Variants in GRIK2 observed in about 807,000 individuals in gnomAD.
The protein encoded by GRIK2 is glutamate receptor ionotropic, kainate 2.
A neutral mutation model predicts 100.3 loss-of-function variants in GRIK2; 32 were observed. The observed-to-expected ratio is 0.32, with a 90% CI of 0.24 to 0.43. The LOEUF is 0.43. Among genes scored for constraint, GRIK2 ranks in the 20% least tolerant of loss-of-function variants. The pLI is 1.00. For missense variants in GRIK2, 843 were observed against 1,114.9 expected, an observed-to-expected ratio of 0.76 and a Z score of 3.47; for synonymous variants, 417 against 389.4, an observed-to-expected ratio of 1.07 and a Z score of -0.83.
chr6:101,885,027 T>G (rs1299529179), intron 11 of GRIK2, among the ~76,000 whole-genome samples: 1 of 152,148 alleles, frequency 6.6e-6, no homozygotes, highest in African/African-American at 2.4e-5. Flanking sequence ...TAGAGTTACA[T>G]GCTTTGATCG....
intron 14 of GRIK2, among the ~76,000 whole-genome samples, chr6:102,031,884 G>A (rs1770019378): frequency 1.3e-5 from 2 of 150,826 alleles, no homozygotes; most frequent in South Asian, 2.1e-4. Flanking sequence ...GAAAGCAGAA[G>A]TTGCACTGGG....
intron 7 of GRIK2, among the ~76,000 whole-genome samples, chr6:101,733,774 T>G (rs1775450753): frequency 6.7e-6 from 1 of 150,076 alleles, no homozygotes; most frequent in Non-Finnish European, 1.5e-5. Context: ...AATTAGCTGC[T>G]TCTTCAATAC....
intron 14 of GRIK2, among the ~76,000 whole-genome samples, chr6:102,030,504 C>T (rs377458932): frequency 6.6e-6 from 1 of 150,998 alleles, no homozygotes; most frequent in Non-Finnish European, 1.5e-5. Context: ...GAGCTTCACT[C>T]CCCTCAATTA....
intron 2 of GRIK2, among the ~76,000 whole-genome samples, chr6:101,498,068 C>T (rs1483064424): frequency 7.1e-6 from 1 of 140,184 alleles, no homozygotes; most frequent in Non-Finnish European, 1.5e-5. Context: ...CTTCCTGTGC[C>T]CATGTGTTCT....
chr6:101,973,557 A>G (rs1459430424), intron 14 of GRIK2, among the ~76,000 whole-genome samples: 1 of 151,888 alleles, frequency 6.6e-6, no homozygotes, highest in Non-Finnish European at 1.5e-5. Context: ...TCACTATGAT[A>G]TTTTGAAATC....
chr6:101,448,890 T>A (rs928708236), intron 2 of GRIK2, among the ~76,000 whole-genome samples: 5 of 151,544 alleles, frequency 3.3e-5, no homozygotes, highest in Admixed American at 2.6e-4. Context: ...ACAATTATCA[T>A]ACAAGAAAGA....
At chr6:101,919,566 C>T (rs1280816710) in intron 12 of GRIK2, among the ~76,000 whole-genome samples, 2 of 151,652 alleles carry the variant, frequency 1.3e-5, no homozygotes, top group African/African-American at 4.8e-5. Context: ...GATGGAAATC[C>T]ATTGAGGGAG....
At chr6:101,794,772 A>G (rs1190863914) in intron 7 of GRIK2, among the ~76,000 whole-genome samples, 1 of 151,058 alleles carries the variant, frequency 6.6e-6, no homozygotes, top group Non-Finnish European at 1.5e-5. Flanking sequence ...GTGCTCCTTT[A>G]GAGGTGTCAT....
chr6:101,882,364 A>G (rs1204903653), intron 11 of GRIK2, among the ~76,000 whole-genome samples: 2 of 152,146 alleles, frequency 1.3e-5, no homozygotes, highest in African/African-American at 2.4e-5. Flanking sequence ...AAACTAAACT[A>G]AAACAATTAA....
intron 7 of GRIK2, among the ~76,000 whole-genome samples, chr6:101,753,769 G>A (rs192615335): frequency 2.0e-4 from 31 of 151,890 alleles, no homozygotes; most frequent in African/African-American, 7.2e-4. Context: ...GCATTGCTGG[G>A]GTTTTCTACT....
intron 11 of GRIK2, among the ~76,000 whole-genome samples, chr6:101,876,702 G>A (rs935402074): frequency 6.6e-6 from 1 of 151,896 alleles, no homozygotes; most frequent in Non-Finnish European, 1.5e-5. Context: ...TATGCTGTTT[G>A]TAAGGTTGTG....
intron 2 of GRIK2, among the ~76,000 whole-genome samples, chr6:101,461,414 A>T (rs2128252468): frequency 6.6e-6 from 1 of 152,290 alleles, no homozygotes; most frequent in Non-Finnish European, 1.5e-5. Context: ...TGTTGTTTGC[A>T]GCTAAAGGTT....
At chr6:101,647,880 C>T (rs1416452400) in intron 4 of GRIK2, among the ~76,000 whole-genome samples, 1 of 151,980 alleles carries the variant, frequency 6.6e-6, no homozygotes, top group African/African-American at 2.4e-5. Flanking sequence ...GTGCTAGTCT[C>T]AAATATTCAT....
intron 10 of GRIK2, among the ~76,000 whole-genome samples, chr6:101,845,953 GTCT>G (rs1783784338): frequency 6.6e-6 from 1 of 151,390 alleles, no homozygotes; most frequent in Non-Finnish European, 1.5e-5. Flanking sequence ...ACATCTATAT[GTCT>G]TCTTTGGAGA....
chr6:101,851,480 A>G (rs981295760), intron 10 of GRIK2, among the ~76,000 whole-genome samples: 12 of 152,064 alleles, frequency 7.9e-5, no homozygotes, highest in African/African-American at 2.9e-4. Context: ...TTAATTTAAA[A>G]TAGAGACAAT....
At chr6:101,695,779 T>C (rs1233309789) in intron 7 of GRIK2, among the ~76,000 whole-genome samples, 2 of 152,034 alleles carry the variant, frequency 1.3e-5, no homozygotes, top group Non-Finnish European at 2.9e-5. Context: ...TCACCTACCT[T>C]AAACATGTTC....
chr6:101,464,520 T>C (rs1470698118), intron 2 of GRIK2, among the ~76,000 whole-genome samples: 7 of 95,688 alleles, frequency 7.3e-5, no homozygotes, highest in African/African-American at 1.8e-4. Context: ...TTTTTTTTTT[T>C]TTTTTTTTTT....
At chr6:102,008,946 G>T (rs1253031882) in intron 14 of GRIK2, among the ~76,000 whole-genome samples, 1 of 151,900 alleles carries the variant, frequency 6.6e-6, no homozygotes, top group Non-Finnish European at 1.5e-5. Context: ...TATGTTTAAA[G>T]AACAAACTTT....
chr6:101,444,389 T>A (rs1380969548), intron 2 of GRIK2, among the ~76,000 whole-genome samples: 2 of 152,082 alleles, frequency 1.3e-5, no homozygotes, highest in Non-Finnish European at 2.9e-5. Context: ...ATATTCAATT[T>A]GGTCAACATG....
Sources: gnomAD v4.1 joint callset for allele counts (sites outside exome capture counted in the v4.1 genomes callset) on GRCh38, gnomAD v4.1.1 for gene constraint, MANE v1.5 for transcripts, NCBI Gene and HGNC (gene_info 2026-07-23, HGNC 2026-07-21) for gene names.